The following FAM110B variants were observed in gnomAD, a reference collection of about 807,000 sequenced individuals.
FAM110B encodes the protein family with sequence similarity 110 member B.
Under a neutral mutation model 20.4 loss-of-function variants are expected in FAM110B, and 6 were observed. The observed-to-expected ratio is 0.29, with a 90% confidence interval of 0.16 to 0.58. The LOEUF (loss-of-function observed/expected upper bound fraction) is 0.58. FAM110B is among the 20% of genes least tolerant of loss of function. The pLI is 0.90. For synonymous variants in FAM110B, 226 were observed against 214.1 expected (o/e 1.06, Z -0.49); for missense variants, 434 against 498.2 (o/e 0.87, Z 1.23).
intron 2 of FAM110B, among the ~76,000 whole-genome samples, chr8:58,074,924 C>T (rs1805996678): frequency 6.6e-6 from 1 of 152,160 alleles, no homozygotes; most frequent in Admixed American, 6.5e-5. Context: ...TTATGCAACT[C>T]ATCACAACTT....
intron 2 of FAM110B, among the ~76,000 whole-genome samples, chr8:58,063,469 C>CCATT (rs10628602): frequency 0.29 from 43,297 of 151,800 alleles, 8,035 homozygotes; most frequent in African/African-American, 0.53. Context: ...CCTCATACAT[C>CCATT]ATTTGAAATG....
At chr8:58,039,221 G>T (rs1805151926) in intron 2 of FAM110B, among the ~76,000 whole-genome samples, 1 of 152,198 alleles carries the variant, frequency 6.6e-6, no homozygotes, top group Admixed American at 6.5e-5. Context: ...GTCATTCTCA[G>T]AACCTCCTAT....
chr8:58,105,611 C>A (rs998412460), intron 3 of FAM110B, among the ~76,000 whole-genome samples: 5 of 141,550 alleles, frequency 3.5e-5, no homozygotes, highest in Non-Finnish European at 7.5e-5. Context: ...CTCTGTCGCC[C>A]AGGCTGGAGT....
intron 1 of FAM110B, among the ~76,000 whole-genome samples, chr8:58,002,477 G>A (rs901075678): frequency 6.6e-6 from 1 of 152,020 alleles, no homozygotes; most frequent in Admixed American, 6.6e-5. Context: ...TTCCTTTATT[G>A]AACCAATTGA....
intron 2 of FAM110B, among the ~76,000 whole-genome samples, chr8:58,036,649 A>G (rs1158152855): frequency 6.6e-6 from 1 of 152,230 alleles, no homozygotes; most frequent in Non-Finnish European, 1.5e-5. Context: ...TAGATTAGTG[A>G]GAACCCCCAC....
intron 3 of FAM110B, among the ~76,000 whole-genome samples, chr8:58,114,907 C>T (rs1807160872): frequency 6.6e-6 from 1 of 152,106 alleles, no homozygotes; most frequent in African/African-American, 2.4e-5. Flanking sequence ...TGTTGTGTTG[C>T]CCTCTGATGA....
At chr8:58,024,508 A>C (rs1194893084) in intron 1 of FAM110B, among the ~76,000 whole-genome samples, 1 of 152,206 alleles carries the variant, frequency 6.6e-6, no homozygotes, top group Non-Finnish European at 1.5e-5. Context: ...GTTGACATAC[A>C]TTCCTCCAAA....
At chr8:58,140,631 T>G (rs960937840) in intron 3 of FAM110B, among the ~76,000 whole-genome samples, 2 of 152,196 alleles carry the variant, frequency 1.3e-5, no homozygotes, top group African/African-American at 4.8e-5. Context: ...AGTATGACCA[T>G]GTCACCAATG....
rs192670114 is a variant in FAM110B at position 58,053,434 on chromosome 8, C to G, written c.-414+21731C>G. On this transcript the variant is annotated intron_variant, in intron 2 of 3. Transcript: ENST00000519262. ...GAAGAAAGATGCTGCCATTAACTGA[C>G]AGAAGAAAGAAGAATGTGGTGGGGT... Among the ~76,000 whole-genome samples, 26 of 151,714 alleles carry G rather than the reference C, an allele frequency of 1.7e-4. No individual in the cohort carries two copies. In the East Asian group the frequency reaches 3.5e-3, roughly 20 times the overall value.
rs755776342 is a variant in FAM110B, at chr8:58,146,578, G to A, written c.348G>A (p.Leu116=). 6.2e-7 allele frequency: 1 copy of A among 1,614,044 alleles called. No individual in the cohort carries two copies. The highest frequency in any genetic ancestry group is 8.5e-7 in the Non-Finnish European group (1 of 1,179,952). The change falls in exon 4 of 4, where the codon CTG becomes CTA. Residue 116 remains leucine, a synonymous_variant. Transcript: ENST00000519262. ...KTESGVQREN[L]KLEILKNIIN... The stretch of plus-strand genomic sequence containing the variant: ...AGAGCGGCGTGCAGAGGGAGAACCT[G>A]AAGCTGGAGATCCTGAAGAACATCA...
intron 3 of FAM110B, among the ~76,000 whole-genome samples, chr8:58,105,200 G>A (rs1585890530): frequency 6.6e-6 from 1 of 152,114 alleles, no homozygotes; most frequent in South Asian, 2.1e-4. Flanking sequence ...TTGAGAACAA[G>A]CTCTGAAGCT....
chr8:58,005,319 G>A (rs1347147467), intron 1 of FAM110B, among the ~76,000 whole-genome samples: 4 of 152,180 alleles, frequency 2.6e-5, no homozygotes, highest in African/African-American at 9.7e-5. Context: ...ATCTTTTGTG[G>A]TTACGGTTTG....
intron 3 of FAM110B, among the ~76,000 whole-genome samples, chr8:58,093,747 G>A (rs1265636545): frequency 3.3e-5 from 5 of 152,126 alleles, no homozygotes; most frequent in Middle Eastern, 3.4e-3. Context: ...TTTTGGTTCC[G>A]TATGAAATTT....
chr8:58,131,495 C>T (rs1031163187), intron 3 of FAM110B, among the ~76,000 whole-genome samples: 7 of 152,108 alleles, frequency 4.6e-5, no homozygotes, highest in Non-Finnish European at 8.8e-5. Flanking sequence ...TAACTATTAC[C>T]TCCTCTCCAA....
chr8:58,139,496 G>A (rs1231623813), intron 3 of FAM110B, among the ~76,000 whole-genome samples: 1 of 152,196 alleles, frequency 6.6e-6, no homozygotes, highest in Non-Finnish European at 1.5e-5. Flanking sequence ...TGCAAAGTCA[G>A]TCTTTTTTGG....
rs139925614 is a variant in FAM110B, at chr8:58,144,224, G to T, written c.-324-1683G>T. On this transcript the variant is annotated intron_variant, in intron 3 of 3. Transcript: ENST00000519262. Reference sequence around the variant, plus strand: ...GGGTCAGCCCTCTCCCAAGGGTCCCGGGTATGATGACCTCGGAGTTGCATC... The same window carrying T: ...GGGTCAGCCCTCTCCCAAGGGTCCCTGGTATGATGACCTCGGAGTTGCATC... Among the ~76,000 whole-genome samples, 514 of 152,234 alleles carry T rather than the reference G, an allele frequency of 3.4e-3. 4 individuals are homozygous for T. Among genetic ancestry groups the T allele is most frequent in the Middle Eastern group, 0.017 (5 of 294 alleles).
chr8:58,132,092 A>G (rs1010988356), intron 3 of FAM110B, among the ~76,000 whole-genome samples: 38 of 150,284 alleles, frequency 2.5e-4, no homozygotes, highest in Admixed American at 2.2e-3. Flanking sequence ...GGGTGTCGCC[A>G]CATTTTGAGA....
At chr8:58,020,799 T>C (rs1191692434) in intron 1 of FAM110B, among the ~76,000 whole-genome samples, 1 of 152,188 alleles carries the variant, frequency 6.6e-6, no homozygotes, top group Admixed American at 6.5e-5. Context: ...TTTGTTCTTC[T>C]AGCATCCAAT....
intron 3 of FAM110B, among the ~76,000 whole-genome samples, chr8:58,091,851 A>G (rs1277151752): frequency 6.6e-6 from 1 of 152,242 alleles, no homozygotes; most frequent in Non-Finnish European, 1.5e-5. Context: ...CCATGGAGAC[A>G]GCTTACTACT....
Sources: gnomAD v4.1 joint callset for allele counts (sites outside exome capture counted in the v4.1 genomes callset) on GRCh38, gnomAD v4.1.1 for gene constraint, MANE v1.5 for transcripts, NCBI Gene and HGNC (gene_info 2026-07-23, HGNC 2026-07-21) for gene names.